Variants in NAALADL2 observed in about 807,000 individuals in gnomAD.
The protein encoded by NAALADL2 is inactive N-acetylated-alpha-linked acidic dipeptidase-like protein 2.
In NAALADL2, 76 loss-of-function variants were observed where a neutral mutation model predicts 87.2. That is an observed-to-expected ratio of 0.87 (90% CI 0.72 to 1.05). The LOEUF (loss-of-function observed/expected upper bound fraction) is 1.05, where lower values mean the gene tolerates loss of function less well. Ranked by LOEUF, NAALADL2 falls within the 50% of genes least tolerant of loss-of-function variation. NAALADL2 has a pLI of 0.00. For missense variants in NAALADL2, 1,089 were observed against 945.8 expected (o/e 1.15, Z -1.99); for synonymous variants, 354 against 331.0 (o/e 1.07, Z -0.75).
At chr3:175,462,389 T>C (rs1482142643) in intron 6 of NAALADL2, among the ~76,000 whole-genome samples, 1 of 152,192 alleles carries the variant, frequency 6.6e-6, no homozygotes, top group Non-Finnish European at 1.5e-5. Context: ...TTGTTTTGGT[T>C]ATTATTTTAA....
At chr3:175,552,172 AGT>A (rs1714514801) in intron 9 of NAALADL2, among the ~76,000 whole-genome samples, 1 of 22,788 alleles carries the variant, frequency 4.4e-5, no homozygotes, top group East Asian at 9.8e-3. Context: ...CAAATGTCTA[AGT>A]AAGCATCAAA....
intron 1 of NAALADL2, among the ~76,000 whole-genome samples, chr3:174,456,905 A>G (rs1176223395): frequency 6.6e-6 from 1 of 152,194 alleles, no homozygotes; most frequent in Non-Finnish European, 1.5e-5. Context: ...AAAAGAAACT[A>G]TCAACAGAGT....
intron 3 of NAALADL2, among the ~76,000 whole-genome samples, chr3:174,741,403 T>C (rs555230974): frequency 6.2e-4 from 94 of 151,780 alleles, no homozygotes; most frequent in African/African-American, 2.1e-3. Context: ...TTAAATAATA[T>C]AAAAAAGCAT....
chr3:175,072,962 C>A (rs1318035221), intron 1 of NAALADL2, among the ~76,000 whole-genome samples: 1 of 151,846 alleles, frequency 6.6e-6, no homozygotes, highest in East Asian at 1.9e-4. Flanking sequence ...GTTTTATTTT[C>A]TTTTAATTTC....
At chr3:174,529,021 C>A (rs1181990037) in intron 1 of NAALADL2, among the ~76,000 whole-genome samples, 6 of 152,158 alleles carry the variant, frequency 3.9e-5, no homozygotes, top group African/African-American at 1.4e-4. Flanking sequence ...CCCCCAAAAT[C>A]TTAACTCATT....
At chr3:175,553,090 G>A (rs2149494217) in intron 9 of NAALADL2, among the ~76,000 whole-genome samples, 1 of 152,180 alleles carries the variant, frequency 6.6e-6, no homozygotes, top group Non-Finnish European at 1.5e-5. Context: ...AAATATCCAT[G>A]TTTATGCTTA....
intron 2 of NAALADL2, among the ~76,000 whole-genome samples, chr3:175,210,131 A>G (rs1043108486): frequency 3.3e-5 from 5 of 151,896 alleles, no homozygotes; most frequent in African/African-American, 1.2e-4. Context: ...AAGCCAAACA[A>G]GCAAACTAAT....
intron 2 of NAALADL2, among the ~76,000 whole-genome samples, chr3:174,687,601 C>T (rs976117822): frequency 2.6e-5 from 4 of 152,022 alleles, no homozygotes; most frequent in Admixed American, 6.6e-5. Flanking sequence ...AAAAATAAAT[C>T]GACAAGTGCA....
intron 9 of NAALADL2, among the ~76,000 whole-genome samples, chr3:175,573,594 T>C (rs1385995012): frequency 1.3e-5 from 2 of 152,178 alleles, no homozygotes; most frequent in Non-Finnish European, 2.9e-5. Context: ...GCTAAACAAA[T>C]ACCTCCAGAG....
chr3:174,688,391 TAAAA>T (rs1326164100), intron 2 of NAALADL2, among the ~76,000 whole-genome samples: 1 of 149,796 alleles, frequency 6.7e-6, no homozygotes, highest in Non-Finnish European at 1.5e-5. Flanking sequence ...TTCTTAATAT[TAAAA>T]TAATATAAAA....
At chr3:175,276,333 C>T (rs1224525740) in intron 4 of NAALADL2, among the ~76,000 whole-genome samples, 1 of 146,948 alleles carries the variant, frequency 6.8e-6, no homozygotes, top group African/African-American at 2.5e-5. Context: ...CGAAGCCTCG[C>T]TCTGCTGCTA....
chr3:174,619,462 A>T (rs1441269785), intron 2 of NAALADL2, among the ~76,000 whole-genome samples: 1 of 151,930 alleles, frequency 6.6e-6, no homozygotes, highest in African/African-American at 2.4e-5. Flanking sequence ...AAGCCCTGAA[A>T]ATGGGAACTG....
intron 1 of NAALADL2, among the ~76,000 whole-genome samples, chr3:175,067,262 A>G (rs1714694967): frequency 6.6e-6 from 1 of 152,152 alleles, no homozygotes; most frequent in South Asian, 2.1e-4. Flanking sequence ...ATTAAACTGA[A>G]GAGCTTTGGC....
At chr3:174,914,385 T>G (rs1327344539) in intron 1 of NAALADL2, among the ~76,000 whole-genome samples, 2 of 152,124 alleles carry the variant, frequency 1.3e-5, no homozygotes, top group Non-Finnish European at 2.9e-5. Flanking sequence ...TTATTGCAAC[T>G]AAAAATCACA....
In NAALADL2 at chr3:174,860,375, A is replaced by C. The variant is rs568544794; in HGVS notation, c.43+925A>C. Among the ~76,000 whole-genome samples the C allele has an allele frequency of 2.0e-5, 3 of 152,176 alleles. No individual in the cohort carries two copies. In the South Asian group the frequency reaches 6.2e-4, roughly 32 times the overall value. ...AAATACTGTGTAAAATGCTACTATA[A>C]AGCATTTTTAATTTAAAAGATTAAT... On this transcript the variant is annotated intron_variant, in intron 1 of 13. Coordinates refer to ENST00000454872, the MANE Select transcript of NAALADL2 (RefSeq NM_207015.3).
At chr3:175,469,914 T>A (rs1560604379) in intron 8 of NAALADL2, among the ~76,000 whole-genome samples, 1 of 152,100 alleles carries the variant, frequency 6.6e-6, no homozygotes, top group Non-Finnish European at 1.5e-5. Flanking sequence ...AACAATATTA[T>A]GGAAAAATTA....
At chr3:174,676,228 C>G (rs142902457) in intron 2 of NAALADL2, among the ~76,000 whole-genome samples, 1 of 151,910 alleles carries the variant, frequency 6.6e-6, no homozygotes, top group Non-Finnish European at 1.5e-5. Context: ...ATGAAATCTT[C>G]GATGATTTAA....
chr3:175,362,479 T>C (rs114263828), intron 5 of NAALADL2, among the ~76,000 whole-genome samples: 8 of 147,764 alleles, frequency 5.4e-5, no homozygotes, highest in South Asian at 2.2e-4. Flanking sequence ...TTTCATGGTA[T>C]TGATTGTTCC....
rs1275637300 is a variant in NAALADL2, at chr3:174,859,433, C to G, written c.26C>G (p.Pro9Arg). ...ATGGGAGAGAATGAAGCAAGTTTAC[C>G]TAACACGTCTTTGCAAGGTAAGTAC... The part of the protein sequence containing the change: MGENEASL[P>R]NTSLQGKKMA... The change falls in exon 1 of 14, where the codon CCT becomes CGT. Residue 9 changes from proline to arginine, a missense_variant. Coordinates refer to ENST00000454872, the MANE Select transcript of NAALADL2 (RefSeq NM_207015.3). The G allele has an allele frequency of 1.2e-6, 2 of 1,610,672 alleles. No individual in the cohort carries two copies. Among genetic ancestry groups the G allele is most frequent in the Non-Finnish European group, 1.7e-6 (2 of 1,178,212 alleles).
Sources: allele counts gnomAD v4.1 joint callset (sites outside exome capture counted in the v4.1 genomes callset), GRCh38; gene constraint gnomAD v4.1.1; transcripts MANE v1.5; gene names NCBI Gene and HGNC (gene_info 2026-07-23, HGNC 2026-07-21).